The following NCALD variants were observed in gnomAD, a reference collection of about 807,000 sequenced individuals.
The protein encoded by NCALD is neurocalcin-delta.
Under a neutral mutation model 18.6 loss-of-function variants are expected in NCALD, and 10 were observed. The ratio of observed to expected loss-of-function variants is 0.54; its 90% CI spans 0.33 to 0.91. The LOEUF (loss-of-function observed/expected upper bound fraction) is 0.91, where lower values mean the gene tolerates loss of function less well. Ranked by LOEUF, NCALD falls within the 40% of genes least tolerant of loss-of-function variation. The pLI, the probability that NCALD is intolerant of heterozygous loss-of-function variation, is 0.03. For synonymous variants in NCALD, 88 were observed against 87.4 expected (o/e 1.01, Z -0.04); for missense variants, 184 against 247.6 (o/e 0.74, Z 1.72).
At chr8:101,870,804 A>G (rs1815973686) in intron 4 of NCALD, among the ~76,000 whole-genome samples, 1 of 151,918 alleles carries the variant, frequency 6.6e-6, no homozygotes, top group Admixed American at 6.6e-5. Flanking sequence ...TCGAGAATAG[A>G]GAAGAGAAAA....
At chr8:101,773,429 G>C (rs1316457021) in intron 1 of NCALD, among the ~76,000 whole-genome samples, 2 of 152,180 alleles carry the variant, frequency 1.3e-5, no homozygotes, top group African/African-American at 4.8e-5. Context: ...CTGTAAGCCA[G>C]GCTAATTGTA....
chr8:101,927,949 G>A (rs182536687), intron 2 of NCALD, among the ~76,000 whole-genome samples: 6 of 152,128 alleles, frequency 3.9e-5, no homozygotes, highest in Admixed American at 3.3e-4. Flanking sequence ...AATAACAGAA[G>A]AGAAAATATT....
intron 1 of NCALD, among the ~76,000 whole-genome samples, chr8:102,066,103 C>A (rs146608613): frequency 4.8e-4 from 73 of 152,328 alleles, no homozygotes; most frequent in African/African-American, 1.5e-3. Flanking sequence ...TTCCCCACTT[C>A]CCCGGAAGGT....
intron 2 of NCALD, among the ~76,000 whole-genome samples, chr8:101,934,551 G>A (rs1160464716): frequency 6.6e-6 from 1 of 152,104 alleles, no homozygotes; most frequent in African/African-American, 2.4e-5. Flanking sequence ...AGAGAAAATG[G>A]CATCATGGAA....
intron 1 of NCALD, among the ~76,000 whole-genome samples, chr8:102,117,910 G>T (rs750396325): frequency 3.3e-5 from 5 of 152,204 alleles, no homozygotes; most frequent in Non-Finnish European, 7.3e-5. Context: ...ATATACAGAA[G>T]AAATGTGCTG....
chr8:101,741,181 A>T (rs572948815), intron 1 of NCALD, among the ~76,000 whole-genome samples: 58 of 136,824 alleles, frequency 4.2e-4, no homozygotes, highest in African/African-American at 9.4e-4. Context: ...CCCTGTGTAC[A>T]CACACAGTAA....
chr8:101,939,734 G>C (rs1434902692), intron 2 of NCALD, among the ~76,000 whole-genome samples: 1 of 152,208 alleles, frequency 6.6e-6, no homozygotes, highest in Admixed American at 6.5e-5. Context: ...CAGTCACATT[G>C]CATTGACAAA....
chr8:101,766,592 T>C (rs2130867644), intron 1 of NCALD, among the ~76,000 whole-genome samples: 1 of 152,240 alleles, frequency 6.6e-6, no homozygotes, highest in East Asian at 1.9e-4. Context: ...TTTGTTGTTT[T>C]TGTTTTTGTT....
At chr8:102,089,816 T>C (rs1419313224) in intron 1 of NCALD, among the ~76,000 whole-genome samples, 1 of 152,228 alleles carries the variant, frequency 6.6e-6, no homozygotes, top group African/African-American at 2.4e-5. Flanking sequence ...TAAAGGAAAT[T>C]CTGTGTGTGA....
intron 2 of NCALD, among the ~76,000 whole-genome samples, chr8:101,706,634 A>G (rs1477946804): frequency 6.6e-6 from 1 of 152,232 alleles, no homozygotes; most frequent in Non-Finnish European, 1.5e-5. Context: ...ACATGAGATC[A>G]TCACGAATTT....
At position 101,892,214 on chromosome 8, in the gene NCALD, C is replaced by G. The variant is rs1434424820; in HGVS notation, c.-106-4987G>C. Among the ~76,000 whole-genome samples the G allele has an allele frequency of 1.1e-4, 17 of 149,436 alleles. 1 individual carries two copies. The highest frequency in any genetic ancestry group is 5.1e-5 in the African/African-American group (2 of 39,314). On this transcript the variant is annotated intron_variant, in intron 3 of 6. Transcript: ENST00000311028. ...AAGTGGGTCCCTGACCCCTGACCCCCGAGCAGCCGAACTGGGAGGCACCCC... is the reference window on the plus strand; with the variant it reads ...AAGTGGGTCCCTGACCCCTGACCCCGGAGCAGCCGAACTGGGAGGCACCCC...
intron 2 of NCALD, among the ~76,000 whole-genome samples, chr8:101,708,231 C>T (rs1815622933): frequency 6.6e-6 from 1 of 152,132 alleles, no homozygotes; most frequent in African/African-American, 2.4e-5. Context: ...AATCTGAGTC[C>T]TGTGAACATC....
intron 1 of NCALD, among the ~76,000 whole-genome samples, chr8:101,738,764 A>T (rs1264468251): frequency 1.3e-5 from 2 of 151,998 alleles, no homozygotes; most frequent in Non-Finnish European, 2.9e-5. Flanking sequence ...AGGAACTCAT[A>T]CTTCTCTGTG....
intron 4 of NCALD, among the ~76,000 whole-genome samples, chr8:101,869,199 ATTAAG>A (rs1815902415): frequency 6.6e-6 from 1 of 152,222 alleles, no homozygotes; most frequent in South Asian, 2.1e-4. Context: ...TACAAATGTG[ATTAAG>A]TTAAGGATCT....
intron 2 of NCALD, among the ~76,000 whole-genome samples, chr8:101,949,731 A>T (rs1322570444): frequency 6.6e-6 from 1 of 152,022 alleles, no homozygotes; most frequent in Non-Finnish European, 1.5e-5. Context: ...AATTTAACTT[A>T]AGAAAATCCA....
intron 2 of NCALD, among the ~76,000 whole-genome samples, chr8:102,003,929 A>G (rs1053864527): frequency 3.9e-5 from 6 of 152,068 alleles, no homozygotes; most frequent in Admixed American, 3.9e-4. Context: ...ATCATACTGA[A>G]TGGGCAAAAA....
intron 2 of NCALD, among the ~76,000 whole-genome samples, chr8:101,714,579 T>C (rs1179548946): frequency 1.3e-5 from 2 of 152,224 alleles, no homozygotes; most frequent in Non-Finnish European, 2.9e-5. Flanking sequence ...AAGTAATTTA[T>C]AGATTCAATG....
chr8:101,911,957 C>T (rs947150885), intron 3 of NCALD, among the ~76,000 whole-genome samples: 6 of 151,936 alleles, frequency 3.9e-5, no homozygotes, highest in Admixed American at 6.6e-5. Flanking sequence ...CTTCAGATAC[C>T]TAAATATAAG....
intron 2 of NCALD, among the ~76,000 whole-genome samples, chr8:101,954,236 T>C (rs1016960468): frequency 3.9e-5 from 6 of 152,178 alleles, no homozygotes; most frequent in African/African-American, 1.4e-4. Context: ...GATGGTGACT[T>C]GGACATCAGT....
Sources: gnomAD v4.1 joint callset for allele counts (sites outside exome capture counted in the v4.1 genomes callset) on GRCh38, gnomAD v4.1.1 for gene constraint, MANE v1.5 for transcripts, NCBI Gene and HGNC (gene_info 2026-07-23, HGNC 2026-07-21) for gene names.